LGSN: variants seen among roughly 807,000 people sequenced by gnomAD.
LGSN encodes lengsin.
Under a neutral mutation model 19.5 loss-of-function variants are expected in LGSN, and 21 were observed. The observed-to-expected ratio is 1.07, with a 90% CI of 0.76 to 1.55. LGSN has a LOEUF of 1.55. Ranked by LOEUF, LGSN falls within the 40% of genes most tolerant of loss-of-function variation. The probability of loss-of-function intolerance (pLI) is 0.00; values close to 1 mark genes in which losing one functional copy is unlikely to be tolerated. For synonymous variants in LGSN, 257 were observed against 215.6 expected (o/e 1.19, Z -1.68); for missense variants, 673 against 608.5 (o/e 1.11, Z -1.12).
the LGSN span, among the ~76,000 whole-genome samples, chr6:63,385,477 A>G: frequency 2.4e-4 from 37 of 152,328 alleles, no homozygotes; most frequent in South Asian, 7.0e-3. Context: ...AAATCATCCT[A>G]TTGATACAAT....
chr6:63,334,679 T>C, the LGSN span, among the ~76,000 whole-genome samples: 1 of 152,184 alleles, frequency 6.6e-6, no homozygotes, highest in African/African-American at 2.4e-5. Flanking sequence ...AGGATGAAGC[T>C]GGAGGCATCA....
the LGSN span, among the ~76,000 whole-genome samples, chr6:63,377,534 T>C: frequency 6.6e-6 from 1 of 152,164 alleles, no homozygotes; most frequent in African/African-American, 2.4e-5. Context: ...GATAATTCTA[T>C]AGAAAGAACA....
the LGSN span, among the ~76,000 whole-genome samples, chr6:63,470,094 GAC>G: frequency 6.6e-6 from 1 of 152,092 alleles, no homozygotes; most frequent in Non-Finnish European, 1.5e-5. Flanking sequence ...AGGAAAGAGA[GAC>G]AGAGGGAGGG....
At chr6:63,520,630 C>T in the LGSN span, among the ~76,000 whole-genome samples, 29 of 139,078 alleles carry the variant, frequency 2.1e-4, no homozygotes, top group Non-Finnish European at 3.2e-4. Flanking sequence ...GACTCTGTCT[C>T]AAATAAATAA....
At chr6:63,511,139 C>T in the LGSN span, among the ~76,000 whole-genome samples, 1 of 152,152 alleles carries the variant, frequency 6.6e-6, no homozygotes, top group Non-Finnish European at 1.5e-5. Flanking sequence ...ACATTCCCAC[C>T]TCTTCCTGCA....
the LGSN span, among the ~76,000 whole-genome samples, chr6:63,510,786 G>C: frequency 6.7e-6 from 1 of 148,834 alleles, no homozygotes; most frequent in Non-Finnish European, 1.5e-5. Flanking sequence ...TGATTCTCCT[G>C]CCTCAGCCTC....
intron 1 of LGSN, among the ~76,000 whole-genome samples, chr6:63,319,420 T>C (rs1354241530): frequency 6.6e-6 from 1 of 152,198 alleles, no homozygotes; most frequent in African/African-American, 2.4e-5. Context: ...GGAGAAATGT[T>C]ATATGTTGAC....
At chr6:63,551,147 C>G in the LGSN span, among the ~76,000 whole-genome samples, 4 of 152,068 alleles carry the variant, frequency 2.6e-5, 1 homozygote, top group Non-Finnish European at 5.9e-5. Flanking sequence ...CTCACTGCAA[C>G]CTCTGCTTTC....
At chr6:63,334,291 T>A in the LGSN span, among the ~76,000 whole-genome samples, 114 of 152,192 alleles carry the variant, frequency 7.5e-4, no homozygotes, top group Non-Finnish European at 1.6e-3. Flanking sequence ...ATTAACATAT[T>A]AAAAACCAGC....
intron 1 of LGSN, among the ~76,000 whole-genome samples, chr6:63,311,502 G>T (rs983314970): frequency 6.6e-6 from 1 of 152,062 alleles, no homozygotes; most frequent in Non-Finnish European, 1.5e-5. Context: ...GATTTATTTG[G>T]AGCATTGTCC....
chr6:63,318,655 T>G (rs1768962392), intron 1 of LGSN, among the ~76,000 whole-genome samples: 1 of 152,156 alleles, frequency 6.6e-6, no homozygotes. Context: ...TCTGCTCTCC[T>G]AAGAGTAAAC....
the LGSN span, among the ~76,000 whole-genome samples, chr6:63,450,193 C>CAAAAAAAAAAAAAA: frequency 1.1e-5 from 1 of 94,814 alleles, no homozygotes; most frequent in Non-Finnish European, 1.9e-5. Context: ...CTAAAAAATG[C>CAAAAAAAAAAAAAA]AAAAAAAAAA....
At chr6:63,333,621 A>T in the LGSN span, among the ~76,000 whole-genome samples, 6 of 135,598 alleles carry the variant, frequency 4.4e-5, no homozygotes, top group African/African-American at 1.6e-4. Flanking sequence ...GGAGGGAGGG[A>T]GGCAAAAAAA....
At chr6:63,525,822 T>C in the LGSN span, among the ~76,000 whole-genome samples, 1 of 152,330 alleles carries the variant, frequency 6.6e-6, no homozygotes, top group East Asian at 1.9e-4. Flanking sequence ...GTAAATTATC[T>C]CTTAAAATAG....
chr6:63,548,046 C>T, the LGSN span, among the ~76,000 whole-genome samples: 5 of 152,138 alleles, frequency 3.3e-5, no homozygotes, highest in Admixed American at 1.3e-4. Context: ...TTCTTTTCTG[C>T]CCACATCCCC....
At chr6:63,312,601 T>C (rs191921634) in intron 1 of LGSN, among the ~76,000 whole-genome samples, 1 of 152,332 alleles carries the variant, frequency 6.6e-6, no homozygotes, top group Non-Finnish European at 1.5e-5. Context: ...CCAGGCATTA[T>C]GATCTCTTAA....
At chr6:63,380,968 A>C in the LGSN span, among the ~76,000 whole-genome samples, 5 of 152,280 alleles carry the variant, frequency 3.3e-5, no homozygotes, top group African/African-American at 1.2e-4. Context: ...AGGCCAAGGC[A>C]GGCAGATCAC....
upstream of LGSN, among the ~76,000 whole-genome samples, chr6:63,323,416 GTC>G (rs999577763): frequency 9.9e-5 from 15 of 152,024 alleles, no homozygotes; most frequent in Admixed American, 9.2e-4. Flanking sequence ...AGTCTCTACT[GTC>G]TATTCACAGA....
chr6:63,380,429 C>T, the LGSN span, among the ~76,000 whole-genome samples: 1 of 152,194 alleles, frequency 6.6e-6, no homozygotes, highest in East Asian at 1.9e-4. Context: ...AACAGCATTC[C>T]TCCCTAGGGC....
Sources: allele counts gnomAD v4.1 joint callset (sites outside exome capture counted in the v4.1 genomes callset), GRCh38; gene constraint gnomAD v4.1.1; transcripts MANE v1.5; gene names NCBI Gene and HGNC (gene_info 2026-07-23, HGNC 2026-07-21).